WASF1: variants seen among roughly 807,000 people sequenced by gnomAD.
WASF1 encodes the protein WASP family member 1.
In WASF1, 7 loss-of-function variants were observed where a neutral mutation model predicts 50.5. The observed-to-expected ratio is 0.14, with a 90% CI of 0.08 to 0.26. The LOEUF (loss-of-function observed/expected upper bound fraction) is 0.26, where lower values mean the gene tolerates loss of function less well. Among genes scored for constraint, WASF1 ranks in the 10% least tolerant of loss-of-function variants. The probability of loss-of-function intolerance (pLI) is 1.00; values close to 1 mark genes in which losing one functional copy is unlikely to be tolerated. For synonymous variants in WASF1, 205 were observed against 244.0 expected (o/e 0.84, Z 1.49); for missense variants, 470 against 694.7 (o/e 0.68, Z 3.64).
At chr6:110,143,761 G>A (rs1775384527) in intron 3 of WASF1, among the ~76,000 whole-genome samples, 1 of 151,912 alleles carries the variant, frequency 6.6e-6, no homozygotes. Context: ...TTACATTCAT[G>A]GTCAATGAAA....
At chr6:110,137,275 C>T (rs1409003740) in intron 3 of WASF1, among the ~76,000 whole-genome samples, 1 of 152,182 alleles carries the variant, frequency 6.6e-6, no homozygotes, top group Non-Finnish European at 1.5e-5. Context: ...TAGGCATCAT[C>T]TTCAATTCTG....
Position 110,179,497 on chromosome 6 carries a change from GT to G in WASF1, c.-331del, listed in dbSNP as rs1777111027. Reference sequence around the variant, plus strand: ...CTTCATGCTTCGGCAGCGGTCGCCGGTCCCCCTCGGCTCGCGGGACTCCGCC... The same window carrying G: ...CTTCATGCTTCGGCAGCGGTCGCCGGCCCCCTCGGCTCGCGGGACTCCGCC... On this transcript the variant is annotated 5_prime_UTR_variant, in exon 1 of 11. Coordinates refer to ENST00000392589, the MANE Select transcript of WASF1 (RefSeq NM_003931.3). 1 of 152,138 alleles carries G rather than the reference GT, an allele frequency of 6.6e-6. No homozygotes were observed. Among genetic ancestry groups the G allele is most frequent in the Non-Finnish European group, 1.5e-5 (1 of 68,070 alleles). The allele number at this position is 152,138 out of a possible 1,614,324, so 9.4% of individuals were successfully genotyped here.
rs1341255407 is a variant in WASF1 at position 110,100,758 on chromosome 6, C to T, written c.1523-79G>A. 63 of 1,320,420 alleles carry T rather than the reference C, an allele frequency of 4.8e-5. 1 individual carries two copies. The highest frequency in any genetic ancestry group is 6.1e-5 in the Non-Finnish European group (61 of 1,006,756). 81.8% of individuals were successfully genotyped at this position (1,320,420 alleles called of 1,614,324 possible). On this transcript the variant is annotated intron_variant, in intron 10 of 10. Transcript: ENST00000392589. ...ATTATTAATATTTCTGGAATAAAAT[C>T]AAATACACATGAGAAATACTTATAG...
chr6:110,141,165 G>A (rs578159516), intron 3 of WASF1, among the ~76,000 whole-genome samples: 23 of 152,236 alleles, frequency 1.5e-4, no homozygotes, highest in African/African-American at 5.1e-4. Context: ...ATCTGGAAAT[G>A]TCCTTCTGCA....
chr6:110,128,551 A>G (rs1402294878), intron 3 of WASF1, among the ~76,000 whole-genome samples: 2 of 152,256 alleles, frequency 1.3e-5, no homozygotes, highest in Non-Finnish European at 2.9e-5. Context: ...TCTTTGAATT[A>G]TAGGCTGCTC....
At chr6:110,143,774 AT>A (rs1191913306) in intron 3 of WASF1, among the ~76,000 whole-genome samples, 2 of 152,208 alleles carry the variant, frequency 1.3e-5, no homozygotes. Context: ...CAATGAAATA[AT>A]TTACGATCAT....
intron 4 of WASF1, among the ~76,000 whole-genome samples, chr6:110,113,845 T>G (rs866173861): frequency 2.3e-4 from 35 of 150,146 alleles, no homozygotes; most frequent in Non-Finnish European, 1.2e-4. Flanking sequence ...TAGACTATTT[T>G]ATCATTTACT....
intron 2 of WASF1, among the ~76,000 whole-genome samples, chr6:110,162,346 G>A (rs148472490): frequency 2.7e-5 from 4 of 149,726 alleles, no homozygotes; most frequent in East Asian, 2.0e-4. Context: ...CGCAGACAAC[G>A]TATTTCTTGC....
At chr6:110,107,044 A>C in intron 7 of WASF1, 33 bp downstream of exon 7, 1 of 1,484,704 alleles carries the variant, frequency 6.7e-7, no homozygotes, top group East Asian at 2.3e-5. Context: ...AATATACAAA[A>C]ATTAACCTCA....
At chr6:110,142,966 A>AC (rs1417547664) in intron 3 of WASF1, among the ~76,000 whole-genome samples, 4 of 150,510 alleles carry the variant, frequency 2.7e-5, no homozygotes, top group African/African-American at 4.9e-5. Context: ...AAAAAAAAAA[A>AC]AAAAAAACTA....
chr6:110,154,042 A>G (rs1295073538), intron 3 of WASF1, among the ~76,000 whole-genome samples: 2 of 152,130 alleles, frequency 1.3e-5, no homozygotes, highest in Admixed American at 6.6e-5. Context: ...GAGTTCCAAA[A>G]GTAAATTTCA....
intron 3 of WASF1, among the ~76,000 whole-genome samples, chr6:110,149,142 T>G (rs1268069842): frequency 2.6e-5 from 4 of 152,154 alleles, no homozygotes; most frequent in Non-Finnish European, 5.9e-5. Context: ...GGGAGAATGA[T>G]GAGTTTTAAA....
chr6:110,143,227 G>C (rs1279994258), intron 3 of WASF1, among the ~76,000 whole-genome samples: 2 of 151,750 alleles, frequency 1.3e-5, no homozygotes, highest in Non-Finnish European at 2.9e-5. Flanking sequence ...AATAAAATGA[G>C]CTACAATACT....
intron 3 of WASF1, among the ~76,000 whole-genome samples, chr6:110,142,975 T>TAAAAAAAAAAAAAAAAAAA (rs1396721363): frequency 8.2e-4 from 80 of 97,852 alleles, no homozygotes; most frequent in African/African-American, 2.3e-3. Context: ...AAAAAAAAAC[T>TAAAAAAAAAAAAAAAAAAA]AAAGCAATTC....
At chr6:110,154,543 G>T (rs1159343951) in intron 3 of WASF1, among the ~76,000 whole-genome samples, 1 of 151,952 alleles carries the variant, frequency 6.6e-6, no homozygotes, top group African/African-American at 2.4e-5. Context: ...TTTCCATACA[G>T]AAGCAATGGG....
chr6:110,154,464 C>G (rs116791182), intron 3 of WASF1, among the ~76,000 whole-genome samples: 13 of 151,656 alleles, frequency 8.6e-5, no homozygotes, highest in Non-Finnish European at 4.4e-5. Context: ...ACAGTAATTG[C>G]GTATTATAAA....
At chr6:110,136,585 T>C (rs898802131) in intron 3 of WASF1, among the ~76,000 whole-genome samples, 1 of 152,206 alleles carries the variant, frequency 6.6e-6, no homozygotes, top group African/African-American at 2.4e-5. Context: ...ATTATTAAGT[T>C]TCCTCTATCT....
intron 2 of WASF1, among the ~76,000 whole-genome samples, chr6:110,170,516 C>A (rs1181820125): frequency 6.6e-6 from 1 of 152,016 alleles, no homozygotes; most frequent in Non-Finnish European, 1.5e-5. Context: ...GAGCCACCAG[C>A]CCAGCCAACT....
intron 3 of WASF1, among the ~76,000 whole-genome samples, chr6:110,142,254 T>G (rs544179045): frequency 6.6e-6 from 1 of 152,350 alleles, no homozygotes; most frequent in South Asian, 2.1e-4. Flanking sequence ...CACATTTTGA[T>G]GAAAGGAATG....
Sources: gnomAD v4.1 joint callset for allele counts (sites outside exome capture counted in the v4.1 genomes callset) on GRCh38, gnomAD v4.1.1 for gene constraint, MANE v1.5 for transcripts, NCBI Gene and HGNC (gene_info 2026-07-23, HGNC 2026-07-21) for gene names.